The following YBX3 variants were observed in gnomAD, a reference collection of about 807,000 sequenced individuals.
YBX3 encodes Y-box-binding protein 3.
In YBX3, 29 loss-of-function variants were observed where a neutral mutation model predicts 42.4. The ratio of observed to expected loss-of-function variants is 0.68; its 90% CI spans 0.51 to 0.93. YBX3 has a LOEUF of 0.93. YBX3 is among the 40% of genes least tolerant of loss of function. The pLI, the probability that YBX3 is intolerant of heterozygous loss-of-function variation, is 0.00. For synonymous variants in YBX3, 195 were observed against 189.8 expected (o/e 1.03, Z -0.22); for missense variants, 517 against 527.5 (o/e 0.98, Z 0.19).
At chr12:10,715,108 C>T (rs1224912536) in intron 4 of YBX3, among the ~76,000 whole-genome samples, 4 of 151,858 alleles carry the variant, frequency 2.6e-5, no homozygotes, top group African/African-American at 4.8e-5. Flanking sequence ...ATCTGCATTT[C>T]GAAATACATA....
rs1565588423 is a variant in YBX3 at position 10,709,924 on chromosome 12, TG to T, written c.763del (p.His255IlefsTer13). The T allele has an allele frequency of 5.6e-6, 9 of 1,614,034 alleles. No individual in the cohort carries two copies. The highest frequency in any genetic ancestry group is 2.2e-5 in the South Asian group (2 of 91,072). ...CAATTTTACCTGTATTCTGTTGGGATGGGGTAAGACCCGTGAGCGACGGTCA... is the reference window on the plus strand; with the variant it reads ...CAATTTTACCTGTATTCTGTTGGGATGGGTAAGACCCGTGAGCGACGGTCA... ...TFDRRSRVLP[H>X]PNRIQAGEIG... On this transcript the variant is annotated frameshift_variant, in exon 6 of 10. Transcript: ENST00000228251. LOFTEE classifies it high-confidence loss of function.
chr12:10,702,295 C>A (rs371992319), intron 7 of YBX3, 161 bp from the exon 8 acceptor site: 6 of 553,870 alleles, frequency 1.1e-5, no homozygotes, highest in Middle Eastern at 5.2e-4. Flanking sequence ...CTGAGGCAGG[C>A]GGATCACTTG....
chr12:10,713,182 T>C lies in YBX3; in HGVS notation c.573+29A>G, dbSNP rs376604674. 5 of 1,593,534 alleles carry C rather than the reference T, an allele frequency of 3.1e-6. No homozygotes were observed. In the African/African-American group the frequency reaches 4.1e-5, roughly 13 times the overall value. ...ATTCCATGCATGAACAATTTCTCAATCACTGGTTAAGTAACAGAGACAACG... is the reference window on the plus strand; with the variant it reads ...ATTCCATGCATGAACAATTTCTCAACCACTGGTTAAGTAACAGAGACAACG... On this transcript the variant is annotated intron_variant, in intron 5 of 9. Transcript: ENST00000228251.
intron 7 of YBX3, 47 bp from the exon 8 acceptor site, chr12:10,702,181 G>C (rs1358659488): frequency 2.6e-6 from 4 of 1,545,734 alleles, no homozygotes; most frequent in Admixed American, 4.2e-5. Flanking sequence ...ACAGGACAGG[G>C]CTTCTCCAGA....
intron 3 of YBX3, among the ~76,000 whole-genome samples, chr12:10,716,908 C>CGGG (rs1453669738): frequency 6.6e-6 from 1 of 152,256 alleles, no homozygotes; most frequent in East Asian, 1.9e-4. Context: ...CACAACCTCA[C>CGGG]GGGGGCTGGA....
intron 6 of YBX3, among the ~76,000 whole-genome samples, chr12:10,705,358 G>A (rs1392328031): frequency 6.6e-6 from 1 of 152,206 alleles, no homozygotes; most frequent in Non-Finnish European, 1.5e-5. Flanking sequence ...CTTCCAAAGT[G>A]CTGGGATTAC....
intron 6 of YBX3, among the ~76,000 whole-genome samples, chr12:10,704,687 C>T (rs1362409609): frequency 6.6e-6 from 1 of 152,160 alleles, no homozygotes; most frequent in Non-Finnish European, 1.5e-5. Context: ...GAAAGAGAAA[C>T]AGTCAGAAGA....
At chr12:10,703,709 C>T in intron 7 of YBX3, 1 of 315,580 alleles carries the variant, frequency 3.2e-6, no homozygotes, top group East Asian at 8.5e-5. Context: ...CAGTCACTAT[C>T]CCAAATATCC....
Position 10,710,057 on chromosome 12 carries a change from C to T in YBX3, c.631G>A (p.Ala211Thr). ...SGSSEGFDPP[A>T]TDRQFSGARN... Reference sequence around the variant, plus strand: ...GCCCCAGAGAACTGCCTATCAGTGGCAGGGGGGTCAAATCCTTCACTGCTG... The same window carrying T: ...GCCCCAGAGAACTGCCTATCAGTGGTAGGGGGGTCAAATCCTTCACTGCTG... The change falls in exon 6 of 10, where the codon GCC becomes ACC. Residue 211 changes from alanine (A) to threonine (T), a missense_variant. Coordinates refer to ENST00000228251, the MANE Select transcript of YBX3 (RefSeq NM_003651.5). 1 of 1,614,118 alleles carries T rather than the reference C, an allele frequency of 6.2e-7. No individual in the cohort carries two copies. The highest frequency in any genetic ancestry group is 8.5e-7 in the Non-Finnish European group (1 of 1,180,008).
At chr12:10,719,967 T>C (rs954314818) in intron 1 of YBX3, among the ~76,000 whole-genome samples, 1 of 152,258 alleles carries the variant, frequency 6.6e-6, no homozygotes, top group African/African-American at 2.4e-5. Context: ...TGTAGGTTTA[T>C]ATTTATCTCA....
chr12:10,700,349 T>G (rs1948064902), intron 9 of YBX3, among the ~76,000 whole-genome samples: 1 of 152,126 alleles, frequency 6.6e-6, no homozygotes. Context: ...TAACAATTTT[T>G]GAAAAATAGC....
chr12:10,705,917 C>CA (rs1948132126), intron 6 of YBX3, among the ~76,000 whole-genome samples: 1 of 152,100 alleles, frequency 6.6e-6, no homozygotes, highest in African/African-American at 2.4e-5. Flanking sequence ...CAAGATGTTC[C>CA]AGGCTCATAT....
intron 7 of YBX3, chr12:10,702,885 C>G (rs1036608133): frequency 2.0e-5 from 3 of 152,108 alleles, no homozygotes; most frequent in Non-Finnish European, 4.4e-5. Flanking sequence ...AATGGTAATT[C>G]TGTGGATGAG....
intron 1 of YBX3, among the ~76,000 whole-genome samples, chr12:10,721,216 TAG>T (rs1232513704): frequency 6.6e-6 from 1 of 152,232 alleles, no homozygotes; most frequent in African/African-American, 2.4e-5. Context: ...CCTTCATTTT[TAG>T]AGAGACGCAG....
At position 10,709,983 on chromosome 12, in the gene YBX3, C is replaced by A. The variant is rs202001385; in HGVS notation, c.705G>T (p.Arg235=). The change falls in exon 6 of 10, where the codon CGG becomes CGT. Residue 235 remains arginine (R), a synonymous_variant. Coordinates refer to ENST00000228251, the MANE Select transcript of YBX3 (RefSeq NM_003651.5). Reference sequence around the variant, plus strand: ...GTCCCACGTGGTAAGGCGGGAACCGCCGCTGCCGGTACTGAGGGCGATACT... The same window carrying A: ...GTCCCACGTGGTAAGGCGGGAACCGACGCTGCCGGTACTGAGGGCGATACT... ...RPQYRPQYRQ[R]RFPPYHVGQT... 129 of 1,614,094 alleles carry A rather than the reference C, an allele frequency of 8.0e-5. No individual in the cohort carries two copies. The highest frequency in any genetic ancestry group is 1.6e-4 in the Middle Eastern group (1 of 6,082).
chr12:10,700,237 CTAAT>C (rs5796413), intron 9 of YBX3, among the ~76,000 whole-genome samples: 28,587 of 151,952 alleles, frequency 0.19, 3,094 homozygotes, highest in East Asian at 0.48. Context: ...GAATGCTTAC[CTAAT>C]TAATGGCTGA....
intron 3 of YBX3, 145 bp from the exon 4 acceptor site, chr12:10,715,928 C>T (rs1391383737): frequency 2.2e-5 from 14 of 640,910 alleles, no homozygotes; most frequent in Non-Finnish European, 3.8e-5. Context: ...GTTGGATCTC[C>T]AACACAACAA....
chr12:10,718,056 A>G (rs1291638165), intron 3 of YBX3, 32 bp downstream of exon 3: 1 of 1,587,452 alleles, frequency 6.3e-7, no homozygotes, highest in Non-Finnish European at 8.6e-7. Context: ...CTCTCCTCAC[A>G]TAGCAAATGT....
rs1948053727 is a variant in YBX3 at position 10,699,339 on chromosome 12, T to G, written c.*350A>C. The stretch of plus-strand genomic sequence containing the variant: ...TGGTTGGGGTTCTCCCCATGTGGTA[T>G]TAATATTTCTTGTTTCAATATATAT... On this transcript the variant is annotated 3_prime_UTR_variant, in exon 10 of 10. Coordinates refer to ENST00000228251, the MANE Select transcript of YBX3 (RefSeq NM_003651.5). 6.6e-6 allele frequency: 1 copy of G among 152,550 alleles called. No individual in the cohort carries two copies. Among genetic ancestry groups the G allele is most frequent in the Admixed American group, 6.5e-5 (1 of 15,278 alleles). 9.4% of individuals were successfully genotyped at this position (152,550 alleles called of 1,614,324 possible). A position where few individuals can be genotyped will look rare whatever the true frequency, so the allele number is the denominator to read the frequency against.
Sources: gnomAD v4.1 joint callset for allele counts (sites outside exome capture counted in the v4.1 genomes callset) on GRCh38, gnomAD v4.1.1 for gene constraint, MANE v1.5 for transcripts, NCBI Gene and HGNC (gene_info 2026-07-23, HGNC 2026-07-21) for gene names.